Variants in LRRC4C observed in about 807,000 individuals in gnomAD.
LRRC4C encodes leucine-rich repeat-containing protein 4C.
Under a neutral mutation model 33.6 loss-of-function variants are expected in LRRC4C, and 5 were observed. The ratio of observed to expected loss-of-function variants is 0.15; its 90% CI spans 0.08 to 0.31. LRRC4C has a LOEUF of 0.31. LRRC4C is among the 10% of genes least tolerant of loss of function. LRRC4C has a pLI of 1.00. For synonymous variants in LRRC4C, 329 were observed against 302.0 expected, an observed-to-expected ratio of 1.09 and a Z score of -0.93; for missense variants, 560 against 796.7, an observed-to-expected ratio of 0.70 and a Z score of 3.58.
At chr11:41,359,057 A>G (rs1484646421) in intron 1 of LRRC4C, among the ~76,000 whole-genome samples, 1 of 152,118 alleles carries the variant, frequency 6.6e-6, no homozygotes, top group Admixed American at 6.5e-5. Context: ...TATCAAAGAC[A>G]TGGAAGAAAC....
chr11:40,886,889 G>T (rs891184461), intron 2 of LRRC4C, among the ~76,000 whole-genome samples: 2 of 146,978 alleles, frequency 1.4e-5, no homozygotes, highest in Non-Finnish European at 3.0e-5. Flanking sequence ...ATATATGTGT[G>T]TGTGTGTGTG....
chr11:41,018,728 G>A (rs1336465711), intron 1 of LRRC4C, among the ~76,000 whole-genome samples: 1 of 152,116 alleles, frequency 6.6e-6, no homozygotes, highest in African/African-American at 2.4e-5. Context: ...AACTGCCACA[G>A]TGGGAATGAG....
intron 3 of LRRC4C, among the ~76,000 whole-genome samples, chr11:40,440,470 G>T (rs1013555723): frequency 1.3e-5 from 2 of 151,730 alleles, no homozygotes; most frequent in South Asian, 2.1e-4. Flanking sequence ...ATTAACAAAA[G>T]GTCAAGATAA....
chr11:41,069,492 A>G (rs1171686041), intron 1 of LRRC4C, among the ~76,000 whole-genome samples: 2 of 152,238 alleles, frequency 1.3e-5, no homozygotes, highest in African/African-American at 4.8e-5. Context: ...CTGTTTGCAG[A>G]TGGCATGACT....
At chr11:40,427,148 G>A (rs1950747008) in intron 3 of LRRC4C, among the ~76,000 whole-genome samples, 1 of 152,134 alleles carries the variant, frequency 6.6e-6, no homozygotes, top group Admixed American at 6.5e-5. Flanking sequence ...TTGGCAAGGG[G>A]CAGAGAATGG....
intron 1 of LRRC4C, among the ~76,000 whole-genome samples, chr11:41,303,254 C>G (rs367778264): frequency 2.0e-5 from 3 of 147,462 alleles, no homozygotes; most frequent in Middle Eastern, 3.2e-3. Context: ...CGCGCCGCCA[C>G]GCCTGACTGG....
intron 2 of LRRC4C, among the ~76,000 whole-genome samples, chr11:40,784,461 G>A (rs1160347784): frequency 6.6e-6 from 1 of 152,168 alleles, no homozygotes; most frequent in African/African-American, 2.4e-5. Context: ...GTCAATATGA[G>A]GTAGTGATAA....
intron 3 of LRRC4C, among the ~76,000 whole-genome samples, chr11:40,430,863 C>T (rs1338388532): frequency 7.0e-6 from 1 of 143,468 alleles, no homozygotes; most frequent in Admixed American, 7.3e-5. Context: ...AACCAAACAC[C>T]GCATATTCTC....
chr11:41,057,171 G>A (rs908120235), intron 1 of LRRC4C, among the ~76,000 whole-genome samples: 7 of 152,262 alleles, frequency 4.6e-5, no homozygotes, highest in African/African-American at 1.2e-4. Context: ...GCCTGCTCCC[G>A]CTGCTTGGCT....
intron 1 of LRRC4C, among the ~76,000 whole-genome samples, chr11:41,117,173 C>G (rs1942177167): frequency 6.6e-6 from 1 of 152,156 alleles, no homozygotes; most frequent in African/African-American, 2.4e-5. Flanking sequence ...ATCTACCCTA[C>G]CTGCAGTTGA....
chr11:41,066,850 A>G (rs1938280130), intron 1 of LRRC4C, among the ~76,000 whole-genome samples: 1 of 152,232 alleles, frequency 6.6e-6, no homozygotes, highest in African/African-American at 2.4e-5. Context: ...AATCCTTTCC[A>G]GACAAGCAAA....
At chr11:41,183,716 A>G (rs373805668) in intron 1 of LRRC4C, among the ~76,000 whole-genome samples, 5 of 152,130 alleles carry the variant, frequency 3.3e-5, no homozygotes, top group African/African-American at 1.2e-4. Context: ...CCCTCTTCTC[A>G]CAGCTCCACT....
intron 2 of LRRC4C, among the ~76,000 whole-genome samples, chr11:40,819,854 A>G (rs768138269): frequency 6.6e-6 from 1 of 152,118 alleles, no homozygotes; most frequent in African/African-American, 2.4e-5. Flanking sequence ...CAAGATACAT[A>G]GAAAAACTCT....
At chr11:40,335,969 A>G (rs1473363077) in intron 3 of LRRC4C, among the ~76,000 whole-genome samples, 1 of 152,178 alleles carries the variant, frequency 6.6e-6, no homozygotes, top group African/African-American at 2.4e-5. Flanking sequence ...CGTACCACAT[A>G]GGGTCATTTT....
intron 1 of LRRC4C, among the ~76,000 whole-genome samples, chr11:40,978,486 C>A (rs1286652249): frequency 6.6e-6 from 1 of 152,118 alleles, no homozygotes; most frequent in Non-Finnish European, 1.5e-5. Flanking sequence ...TAGGTAGAGA[C>A]CAGGGATATT....
chr11:40,489,964 T>C (rs949912239), intron 3 of LRRC4C, among the ~76,000 whole-genome samples: 2 of 152,102 alleles, frequency 1.3e-5, no homozygotes, highest in East Asian at 1.9e-4. Context: ...ATGGAAAATA[T>C]AGGCCTTCAA....
At chr11:41,448,728 T>C (rs952968636) in intron 1 of LRRC4C, among the ~76,000 whole-genome samples, 1 of 152,250 alleles carries the variant, frequency 6.6e-6, no homozygotes, top group African/African-American at 2.4e-5. Flanking sequence ...CATTTCACAG[T>C]ATTTCTAAAT....
At chr11:40,771,668 A>T (rs1307569536) in intron 2 of LRRC4C, among the ~76,000 whole-genome samples, 1 of 152,132 alleles carries the variant, frequency 6.6e-6, no homozygotes, top group Admixed American at 6.6e-5. Context: ...GGTACCCAAA[A>T]TTATCTCTCT....
rs191287737 is a variant in LRRC4C, at chr11:40,924,614, T to A, written c.-407+9021A>T. Among the ~76,000 whole-genome samples the A allele has an allele frequency of 2.0e-5, 3 of 152,178 alleles. No homozygotes were observed. The East Asian group carries it at 5.8e-4, about 29-fold the overall frequency. ...GGTAACTACAGTAAATAATTTGCCA[T>A]GTACCTCAAATTAGCTAGAAGAGAG... On this transcript the variant is annotated intron_variant, in intron 2 of 6. Transcript: ENST00000528697.
Sources: gnomAD v4.1 joint callset for allele counts (sites outside exome capture counted in the v4.1 genomes callset) on GRCh38, gnomAD v4.1.1 for gene constraint, MANE v1.5 for transcripts, NCBI Gene and HGNC (gene_info 2026-07-23, HGNC 2026-07-21) for gene names.